Variants in MACROD2 observed in about 807,000 individuals in gnomAD.
MACROD2 encodes the protein ADP-ribose glycohydrolase MACROD2.
Under a neutral mutation model 70.4 loss-of-function variants are expected in MACROD2, and 36 were observed. The observed-to-expected ratio is 0.51, with a 90% CI of 0.39 to 0.68. The LOEUF (loss-of-function observed/expected upper bound fraction) is 0.68, where lower values mean the gene tolerates loss of function less well. Ranked by LOEUF, MACROD2 falls within the 30% of genes least tolerant of loss-of-function variation. MACROD2 has a pLI of 0.00. For missense variants in MACROD2, 496 were observed against 538.4 expected (o/e 0.92, Z 0.78); for synonymous variants, 172 against 178.8 (o/e 0.96, Z 0.30).
At chr20:14,776,237 G>C (rs759816653) in intron 5 of MACROD2, among the ~76,000 whole-genome samples, 1 of 152,012 alleles carries the variant, frequency 6.6e-6, no homozygotes, top group Non-Finnish European at 1.5e-5. Context: ...GGGTTTCGTA[G>C]TCCAAAGTCT....
chr20:14,898,615 AGCTGG>A (rs1433546878), intron 5 of MACROD2, among the ~76,000 whole-genome samples: 6 of 152,320 alleles, frequency 3.9e-5, no homozygotes, highest in African/African-American at 1.4e-4. Flanking sequence ...TACAAAAATT[AGCTGG>A]GCTATAGTCT....
At chr20:15,828,200 T>C (rs2064017992) in intron 8 of MACROD2, among the ~76,000 whole-genome samples, 1 of 152,214 alleles carries the variant, frequency 6.6e-6, no homozygotes, top group Non-Finnish European at 1.5e-5. Context: ...CATTCCACAA[T>C]GTATACATAT....
chr20:15,145,947 TA>T (rs2076226978), intron 5 of MACROD2, among the ~76,000 whole-genome samples: 1 of 152,114 alleles, frequency 6.6e-6, no homozygotes, highest in Admixed American at 6.6e-5. Context: ...CTTTCAGGCA[TA>T]AACATATTAA....
intron 8 of MACROD2, among the ~76,000 whole-genome samples, chr20:15,510,718 C>T (rs12329509): frequency 3.3e-4 from 51 of 152,308 alleles, no homozygotes; most frequent in African/African-American, 1.1e-3. Flanking sequence ...AATTTCATGG[C>T]TCAATGGAAA....
At chr20:14,008,468 A>G (rs779228077) in intron 2 of MACROD2, among the ~76,000 whole-genome samples, 11 of 152,212 alleles carry the variant, frequency 7.2e-5, no homozygotes, top group Non-Finnish European at 1.5e-4. Context: ...CAAGGAAATC[A>G]GAGAGGACAC....
At chr20:14,113,435 CAG>C (rs1157035959) in intron 3 of MACROD2, among the ~76,000 whole-genome samples, 2 of 151,938 alleles carry the variant, frequency 1.3e-5, no homozygotes, top group African/African-American at 2.4e-5. Context: ...AATAAATTAT[CAG>C]AGAATTATGT....
chr20:15,074,216 A>T (rs2075640518), intron 5 of MACROD2, among the ~76,000 whole-genome samples: 2 of 152,162 alleles, frequency 1.3e-5, no homozygotes. Flanking sequence ...GCATGATTAG[A>T]GGGTTGAGAC....
intron 4 of MACROD2, among the ~76,000 whole-genome samples, chr20:14,596,177 C>T (rs1982120501): frequency 6.6e-6 from 1 of 151,672 alleles, no homozygotes; most frequent in Admixed American, 6.6e-5. Flanking sequence ...GCTCCGCCTC[C>T]CGGGTTCACG....
At chr20:14,495,922 T>C (rs2084848093) in intron 4 of MACROD2, among the ~76,000 whole-genome samples, 1 of 152,206 alleles carries the variant, frequency 6.6e-6, no homozygotes, top group Non-Finnish European at 1.5e-5. Context: ...GTAATTTCTT[T>C]CATTAAAGTA....
chr20:15,270,973 T>C (rs1275640531), intron 6 of MACROD2, among the ~76,000 whole-genome samples: 1 of 152,236 alleles, frequency 6.6e-6, no homozygotes, highest in Non-Finnish European at 1.5e-5. Flanking sequence ...TCTTACAACT[T>C]ATTATAATGA....
chr20:15,869,238 T>TATATATATGTAGAGAGAGAGAG, intron 9 of MACROD2, among the ~76,000 whole-genome samples: 1 of 28,290 alleles, frequency 3.5e-5, no homozygotes, highest in African/African-American at 9.9e-5. Flanking sequence ...TATATATATA[T>TATATATATGTAGAGAGAGAGAG]AGAGAGAGAG....
chr20:14,423,245 A>G (rs953812539), intron 3 of MACROD2, among the ~76,000 whole-genome samples: 1 of 152,096 alleles, frequency 6.6e-6, no homozygotes, highest in Non-Finnish European at 1.5e-5. Context: ...TATTTCGAAG[A>G]TAGGTTTTTT....
At chr20:14,367,655 A>ATG (rs1198184809) in intron 3 of MACROD2, among the ~76,000 whole-genome samples, 1 of 152,142 alleles carries the variant, frequency 6.6e-6, no homozygotes, top group Non-Finnish European at 1.5e-5. Flanking sequence ...GATCCCTTGT[A>ATG]TGTTGGATGA....
At chr20:15,602,447 G>T (rs981372331) in intron 8 of MACROD2, among the ~76,000 whole-genome samples, 1 of 151,054 alleles carries the variant, frequency 6.6e-6, no homozygotes, top group East Asian at 2.0e-4. Flanking sequence ...TCTCAAGAGC[G>T]CTTCCTCATT....
At chr20:15,096,232 C>G (rs919966468) in intron 5 of MACROD2, among the ~76,000 whole-genome samples, 1 of 152,080 alleles carries the variant, frequency 6.6e-6, no homozygotes, top group Admixed American at 6.5e-5. Context: ...TTCCAGCTCT[C>G]AACTCCTACT....
chr20:15,233,968 T>TA (rs1215378677), intron 6 of MACROD2, among the ~76,000 whole-genome samples: 3,212 of 46,992 alleles, frequency 0.068, 295 homozygotes, highest in Non-Finnish European at 0.093. Context: ...AAAATTTATT[T>TA]TTATATATAT....
At chr20:15,547,050 C>T (rs2048035011) in intron 8 of MACROD2, among the ~76,000 whole-genome samples, 1 of 152,158 alleles carries the variant, frequency 6.6e-6, no homozygotes, top group Non-Finnish European at 1.5e-5. Flanking sequence ...TGAATCGGAA[C>T]CAAAGAGAGA....
intron 10 of MACROD2, among the ~76,000 whole-genome samples, chr20:15,908,891 T>C (rs1001771141): frequency 2.6e-5 from 4 of 152,250 alleles, no homozygotes; most frequent in African/African-American, 9.6e-5. Flanking sequence ...TTGAATACTT[T>C]CTTCCCACAA....
intron 10 of MACROD2, chr20:15,894,053 C>T (rs762496318): frequency 3.9e-5 from 16 of 407,558 alleles, no homozygotes; most frequent in South Asian, 1.6e-4. Flanking sequence ...AGAAAGTGGC[C>T]GGCCTCAGCA....
Sources: allele counts gnomAD v4.1 joint callset (sites outside exome capture counted in the v4.1 genomes callset), GRCh38; gene constraint gnomAD v4.1.1; transcripts MANE v1.5; gene names NCBI Gene and HGNC (gene_info 2026-07-23, HGNC 2026-07-21).